Variants in PPARD observed in about 807,000 individuals in gnomAD.
PPARD encodes the protein peroxisome proliferator activated receptor delta.
In PPARD, 6 loss-of-function variants were observed where a neutral mutation model predicts 39.5. The observed-to-expected ratio is 0.15, with a 90% CI of 0.08 to 0.30. The LOEUF is 0.30. Among genes scored for constraint, PPARD ranks in the 10% least tolerant of loss-of-function variants. The pLI is 1.00. For missense variants in PPARD, 397 were observed against 596.8 expected, an observed-to-expected ratio of 0.67 and a Z score of 3.49; for synonymous variants, 210 against 231.3, an observed-to-expected ratio of 0.91 and a Z score of 0.83.
chr6:35,377,019 CAA>C (rs571968297), intron 2 of PPARD, among the ~76,000 whole-genome samples: 6 of 117,590 alleles, frequency 5.1e-5, no homozygotes, highest in Non-Finnish European at 5.4e-5. Context: ...GACTCTGTCT[CAA>C]AAAAAAAAAA....
At chr6:35,347,266 G>A (rs1792240533) in intron 2 of PPARD, 116 bp downstream of exon 2, 1 of 1,294,914 alleles carries the variant, frequency 7.7e-7, no homozygotes, top group Non-Finnish European at 1.1e-6. Context: ...CAGATTCCAG[G>A]TTCCTGTCAC....
intron 2 of PPARD, among the ~76,000 whole-genome samples, chr6:35,352,340 T>C (rs1369043912): frequency 6.6e-6 from 1 of 151,954 alleles, no homozygotes; most frequent in African/African-American, 2.4e-5. Flanking sequence ...CGCACCCCAA[T>C]GCCCGGCTAA....
In PPARD at chr6:35,420,172, A is replaced by G; in HGVS notation, c.176A>G (p.Gln59Arg). The G allele has an allele frequency of 6.2e-7, 1 of 1,613,702 alleles. No homozygotes were observed. Among genetic ancestry groups the G allele is most frequent in the Non-Finnish European group, 8.5e-7 (1 of 1,179,832 alleles). ...SSPPSLLDQL[Q>R]MGCDGASCGS... Reference sequence around the variant, plus strand: ...CCACCCTCACTGCTGGACCAACTGCAGATGGGCTGTGACGGGGCCTCATGC... The same window carrying G: ...CCACCCTCACTGCTGGACCAACTGCGGATGGGCTGTGACGGGGCCTCATGC... The change falls in exon 4 of 8, where the codon CAG becomes CGG. Residue 59 changes from glutamine to arginine, a missense_variant. By Grantham distance (43) the Gln-to-Arg change is conservative. Transcript: ENST00000360694.
intron 2 of PPARD, among the ~76,000 whole-genome samples, chr6:35,373,657 CTTTG>C (rs768980145): frequency 7.9e-4 from 108 of 136,474 alleles, no homozygotes; most frequent in Non-Finnish European, 1.2e-3. Context: ...TTCTTTCTTT[CTTTG>C]TTTCTTTCTT....
chr6:35,373,729 G>A (rs1253522632), intron 2 of PPARD, among the ~76,000 whole-genome samples: 1 of 150,958 alleles, frequency 6.6e-6, no homozygotes, highest in African/African-American at 2.4e-5. Context: ...GTGCAGTGGT[G>A]CAATCTCAGC....
Position 35,377,871 on chromosome 6 carries a change from C to CTTTTTTTTTTTTTTTTTTTTTTTTTTTTT in PPARD, c.-102+30732_-102+30733insTTTTTTTTTTTTTTTTTTTTTTTTTTTTT, listed in dbSNP as rs540687692. 7.1e-4 allele frequency among the ~76,000 whole-genome samples: 86 copies of CTTTTTTTTTTTTTTTTTTTTTTTTTTTTT among 120,304 alleles called. 5 individuals carry two copies. The East Asian group carries it at 7.2e-3, about 10-fold the overall frequency. 78.9% of individuals were successfully genotyped at this position (120,304 alleles called of 152,430 possible). On this transcript the variant is annotated intron_variant, in intron 2 of 7. Transcript: ENST00000360694. ...TGTGGGTCGCTGCTTGTTTACGTAT[C>CTTTTTTTTTTTTTTTTTTTTTTTTTTTTT]TTTTTTTTTTTGAGACAGAGTGTTG...
At chr6:35,353,747 G>A (rs755336984) in intron 2 of PPARD, among the ~76,000 whole-genome samples, 10 of 152,150 alleles carry the variant, frequency 6.6e-5, no homozygotes, top group Non-Finnish European at 1.0e-4. Context: ...GAAAGAATTT[G>A]AAGGAGGTCA....
intron 2 of PPARD, among the ~76,000 whole-genome samples, chr6:35,375,217 T>G (rs1187587121): frequency 7.6e-6 from 1 of 132,334 alleles, no homozygotes; most frequent in African/African-American, 3.0e-5. Context: ...GAGTTTTTTT[T>G]TTTTTTTTTT....
Position 35,365,004 on chromosome 6 carries a change from C to T in PPARD, c.-102+17854C>T, listed in dbSNP as rs148488340. 5.8e-3 allele frequency among the ~76,000 whole-genome samples: 888 copies of T among 152,022 alleles called. 5 individuals carry two copies. The highest frequency in any genetic ancestry group is 0.015 in the African/African-American group (631 of 41,468). ...GATTACAGGCGTGAGCCACCGCGCCCGGCCCCAAGTGTTACTCGTTAGGCA... is the reference window on the plus strand; with the variant it reads ...GATTACAGGCGTGAGCCACCGCGCCTGGCCCCAAGTGTTACTCGTTAGGCA... On this transcript the variant is annotated intron_variant, in intron 2 of 7. Transcript: ENST00000360694.
chr6:35,369,971 A>G (rs1582319859), intron 2 of PPARD, among the ~76,000 whole-genome samples: 3 of 152,294 alleles, frequency 2.0e-5, no homozygotes, highest in Non-Finnish European at 1.5e-5. Context: ...TTTTGAATGA[A>G]TCAAAATGTA....
chr6:35,343,387 C>T (rs754338172), intron 1 of PPARD, among the ~76,000 whole-genome samples: 44 of 152,228 alleles, frequency 2.9e-4, no homozygotes, highest in Admixed American at 1.0e-3. Context: ...CTCCTTTTTC[C>T]GATTTCCTTC....
chr6:35,380,118 T>C (rs75604492), intron 2 of PPARD, among the ~76,000 whole-genome samples: 2,627 of 152,354 alleles, frequency 0.017, 30 homozygotes, highest in Non-Finnish European at 0.028. Context: ...GAGGAAAATG[T>C]AGCAAATTGT....
intron 3 of PPARD, among the ~76,000 whole-genome samples, chr6:35,413,281 A>T (rs966282650): frequency 6.6e-6 from 1 of 152,220 alleles, no homozygotes; most frequent in Non-Finnish European, 1.5e-5. Context: ...GGAAACGTCC[A>T]GGGCAGAGGT....
intron 2 of PPARD, among the ~76,000 whole-genome samples, chr6:35,402,406 G>A (rs1193854262): frequency 6.6e-6 from 1 of 152,200 alleles, no homozygotes; most frequent in Non-Finnish European, 1.5e-5. Flanking sequence ...GGATCTGGGT[G>A]CCCCTTTCTC....
intron 2 of PPARD, among the ~76,000 whole-genome samples, chr6:35,347,579 G>A (rs918615530): frequency 9.4e-5 from 14 of 149,006 alleles, no homozygotes; most frequent in Non-Finnish European, 1.5e-5. Context: ...TCTTATTAGG[G>A]GGCAAATATA....
intron 2 of PPARD, among the ~76,000 whole-genome samples, chr6:35,357,711 A>ATT (rs1463277276): frequency 6.6e-6 from 1 of 151,964 alleles, no homozygotes; most frequent in Non-Finnish European, 1.5e-5. Context: ...TAATTTTTGT[A>ATT]TTTTTAGTAG....
chr6:35,417,782 G>A (rs1467822380), intron 3 of PPARD, among the ~76,000 whole-genome samples: 2 of 151,826 alleles, frequency 1.3e-5, no homozygotes, highest in African/African-American at 4.8e-5. Context: ...CGCCCGCGTC[G>A]GCCTCCCAAA....
At chr6:35,386,338 TC>T (rs386419710) in intron 2 of PPARD, among the ~76,000 whole-genome samples, 5,234 of 142,386 alleles carry the variant, frequency 0.037, 296 homozygotes, top group African/African-American at 0.093. Flanking sequence ...TTTTTTTTTT[TC>T]AGTGAGCCAG....
intron 2 of PPARD, among the ~76,000 whole-genome samples, chr6:35,375,072 G>A (rs748504349): frequency 7.9e-5 from 12 of 152,066 alleles, no homozygotes; most frequent in Non-Finnish European, 1.2e-4. Context: ...ACAGAATGTG[G>A]CTGGATTTAA....
Sources: gnomAD v4.1 joint callset for allele counts (sites outside exome capture counted in the v4.1 genomes callset) on GRCh38, gnomAD v4.1.1 for gene constraint, MANE v1.5 for transcripts, NCBI Gene and HGNC (gene_info 2026-07-23, HGNC 2026-07-21) for gene names.